The following ATRNL1 variants were observed in gnomAD, a reference collection of about 807,000 sequenced individuals.
ATRNL1 encodes attractin like 1.
Under a neutral mutation model 182.7 loss-of-function variants are expected in ATRNL1, and 95 were observed. That is an observed-to-expected ratio of 0.52 (90% CI 0.44 to 0.62). The LOEUF (loss-of-function observed/expected upper bound fraction) is 0.62. Among genes scored for constraint, ATRNL1 ranks in the 20% least tolerant of loss-of-function variants. The pLI is 0.00. For missense variants in ATRNL1, 1,471 were observed against 1,679.5 expected (o/e 0.88, Z 2.17); for synonymous variants, 576 against 568.3 (o/e 1.01, Z -0.19).
intron 27 of ATRNL1, among the ~76,000 whole-genome samples, chr10:115,818,365 C>T (rs1340983815): frequency 1.3e-5 from 2 of 152,016 alleles, no homozygotes; most frequent in Non-Finnish European, 2.9e-5. Flanking sequence ...TCAGGTTAAC[C>T]AACAGTTGGA....
At chr10:115,707,498 C>T (rs537412830) in intron 26 of ATRNL1, among the ~76,000 whole-genome samples, 4 of 151,698 alleles carry the variant, frequency 2.6e-5, no homozygotes, top group African/African-American at 4.8e-5. Flanking sequence ...TTGGCCCTCC[C>T]CTATTCCATC....
chr10:115,846,462 A>G (rs1240621933), intron 27 of ATRNL1, among the ~76,000 whole-genome samples: 1 of 152,076 alleles, frequency 6.6e-6, no homozygotes, highest in African/African-American at 2.4e-5. Context: ...ATTTCTTCTT[A>G]AAAGTTTAAA....
chr10:115,148,374 A>G (rs1340038748), intron 5 of ATRNL1, among the ~76,000 whole-genome samples: 2 of 152,140 alleles, frequency 1.3e-5, no homozygotes, highest in African/African-American at 4.8e-5. Flanking sequence ...ATATAAGATT[A>G]TATCATCAGC....
chr10:115,409,632 T>G (rs1200708906), intron 20 of ATRNL1, among the ~76,000 whole-genome samples: 1 of 152,262 alleles, frequency 6.6e-6, no homozygotes, highest in East Asian at 1.9e-4. Context: ...GAGTGGTAAT[T>G]TTTGTCTTGT....
At chr10:115,600,632 A>G (rs966108041) in intron 26 of ATRNL1, among the ~76,000 whole-genome samples, 1 of 152,068 alleles carries the variant, frequency 6.6e-6, no homozygotes, top group Non-Finnish European at 1.5e-5. Flanking sequence ...TGGGTTATAA[A>G]TCCTTTGTCA....
chr10:115,229,822 GT>G (rs1398179782), intron 9 of ATRNL1, among the ~76,000 whole-genome samples: 2 of 151,930 alleles, frequency 1.3e-5, no homozygotes, highest in African/African-American at 4.8e-5. Context: ...TTTTTTACTA[GT>G]TCTCTTTTAT....
chr10:115,566,507 G>A (rs1019891024), intron 26 of ATRNL1, among the ~76,000 whole-genome samples: 18 of 152,058 alleles, frequency 1.2e-4, no homozygotes, highest in Admixed American at 1.0e-3. Context: ...TGTTTTCTAT[G>A]TAGAATGTTC....
At chr10:115,469,351 T>G in intron 24 of ATRNL1, 22 bp downstream of exon 24, 1 of 1,447,758 alleles carries the variant, frequency 6.9e-7, no homozygotes, top group Non-Finnish European at 9.2e-7. Context: ...GAGTATTTAC[T>G]TCTAATGACC....
intron 27 of ATRNL1, among the ~76,000 whole-genome samples, chr10:115,816,575 G>A (rs1490201120): frequency 2.0e-5 from 3 of 151,204 alleles, no homozygotes; most frequent in African/African-American, 7.3e-5. Context: ...GTGAAGAAGA[G>A]TGAGCGACCT....
intron 15 of ATRNL1, among the ~76,000 whole-genome samples, chr10:115,297,042 G>C (rs1853228675): frequency 6.6e-6 from 1 of 152,146 alleles, no homozygotes; most frequent in Non-Finnish European, 1.5e-5. Flanking sequence ...TAATTTCCTA[G>C]AGGAGTGCCC....
At chr10:115,686,104 GAAT>G (rs781919127) in intron 26 of ATRNL1, among the ~76,000 whole-genome samples, 2 of 151,594 alleles carry the variant, frequency 1.3e-5, no homozygotes, top group Non-Finnish European at 1.5e-5. Flanking sequence ...TCCAATAATT[GAAT>G]AATATTTTTA....
intron 9 of ATRNL1, among the ~76,000 whole-genome samples, chr10:115,229,297 A>ATT (rs142630699): frequency 1.3e-5 from 2 of 151,186 alleles, no homozygotes; most frequent in Admixed American, 6.6e-5. Context: ...TTATGAAATT[A>ATT]TTTTTTTTTG....
At chr10:115,757,005 T>A (rs1948608209) in intron 27 of ATRNL1, among the ~76,000 whole-genome samples, 1 of 152,166 alleles carries the variant, frequency 6.6e-6, no homozygotes, top group African/African-American at 2.4e-5. Flanking sequence ...GTTTTGCATT[T>A]GCTTAGTATA....
intron 17 of ATRNL1, among the ~76,000 whole-genome samples, chr10:115,313,309 T>G (rs1854129373): frequency 6.6e-6 from 1 of 152,138 alleles, no homozygotes; most frequent in South Asian, 2.1e-4. Flanking sequence ...TTTTTTCATT[T>G]CTTTTTTCCC....
At chr10:115,361,754 G>A (rs1303794786) in intron 19 of ATRNL1, among the ~76,000 whole-genome samples, 1 of 151,994 alleles carries the variant, frequency 6.6e-6, no homozygotes, top group Non-Finnish European at 1.5e-5. Context: ...ATGTTGGACT[G>A]TAAAATGTAA....
intron 26 of ATRNL1, among the ~76,000 whole-genome samples, chr10:115,559,337 C>T (rs1853523117): frequency 1.3e-5 from 2 of 152,188 alleles, no homozygotes; most frequent in African/African-American, 4.8e-5. Flanking sequence ...ACATCTAGCA[C>T]CCAGATCTTG....
chr10:115,267,128 A>G, intron 12 of ATRNL1, 123 bp downstream of exon 12: 1 of 624,664 alleles, frequency 1.6e-6, no homozygotes, highest in Non-Finnish European at 2.8e-6. Flanking sequence ...TATTACCCTA[A>G]TTAGGAATTC....
chr10:115,440,072 C>T (rs983012706), intron 21 of ATRNL1, among the ~76,000 whole-genome samples: 3 of 151,748 alleles, frequency 2.0e-5, no homozygotes, highest in Admixed American at 6.6e-5. Context: ...AAATTACTGT[C>T]GTTATTTATT....
chr10:115,611,850 G>A (rs80127246), intron 26 of ATRNL1, among the ~76,000 whole-genome samples: 1,671 of 152,134 alleles, frequency 0.011, 30 homozygotes, highest in African/African-American at 0.038. Flanking sequence ...TTAAAATAGT[G>A]GATATGATTT....
Sources: gnomAD v4.1 joint callset for allele counts (sites outside exome capture counted in the v4.1 genomes callset) on GRCh38, gnomAD v4.1.1 for gene constraint, MANE v1.5 for transcripts, NCBI Gene and HGNC (gene_info 2026-07-23, HGNC 2026-07-21) for gene names.